Variants in KALRN observed in about 807,000 individuals in gnomAD.
KALRN encodes the protein kalirin RhoGEF kinase.
A neutral mutation model predicts 353.7 loss-of-function variants in KALRN; 70 were observed. That is an observed-to-expected ratio of 0.20 (90% confidence interval 0.16 to 0.24). The LOEUF (loss-of-function observed/expected upper bound fraction) is 0.24, where lower values mean the gene tolerates loss of function less well. Among genes scored for constraint, KALRN ranks in the 10% least tolerant of loss-of-function variants. The pLI is 1.00. For missense variants in KALRN, 2,791 were observed against 3,756.7 expected, an observed-to-expected ratio of 0.74 and a Z score of 6.72; for synonymous variants, 1,391 against 1,434.8, an observed-to-expected ratio of 0.97 and a Z score of 0.69.
chr3:124,477,157 T>G, intron 26 of KALRN, 88 bp from the exon 27 acceptor site: 1 of 869,456 alleles, frequency 1.2e-6, no homozygotes, highest in Non-Finnish European at 1.9e-6. Context: ...GGGTCTTAAC[T>G]GTACAGCCCT....
At chr3:124,694,249 T>C in intron 52 of KALRN, 83 bp from the exon 53 acceptor site, 2 of 1,303,830 alleles carry the variant, frequency 1.5e-6, no homozygotes, top group Non-Finnish European at 2.2e-6. Context: ...GGGTGGGAAA[T>C]GAGAGAGGTG....
intron 14 of KALRN, among the ~76,000 whole-genome samples, chr3:124,419,704 G>C (rs2092689821): frequency 6.6e-6 from 1 of 152,174 alleles, no homozygotes; most frequent in Non-Finnish European, 1.5e-5. Context: ...AACCTCAATG[G>C]AAGTGTTCTG....
intron 23 of KALRN, among the ~76,000 whole-genome samples, chr3:124,460,942 T>C (rs978356962): frequency 6.6e-6 from 1 of 152,202 alleles, no homozygotes; most frequent in Non-Finnish European, 1.5e-5. Flanking sequence ...AAGCAGTCAC[T>C]TATTACTAAT....
intron 17 of KALRN, among the ~76,000 whole-genome samples, chr3:124,435,399 T>C (rs2093425500): frequency 6.6e-6 from 1 of 152,224 alleles, no homozygotes. Context: ...ATGCAGTGTG[T>C]TACCCTTTCA....
chr3:124,573,024 G>A (rs62267575), intron 34 of KALRN, among the ~76,000 whole-genome samples: 12,153 of 151,988 alleles, frequency 0.08, 585 homozygotes, highest in East Asian at 0.14. Flanking sequence ...GCGGCAGAGC[G>A]AGACCCTGTC....
At chr3:124,354,232 A>G (rs1019927621) in intron 10 of KALRN, among the ~76,000 whole-genome samples, 1 of 152,240 alleles carries the variant, frequency 6.6e-6, no homozygotes, top group African/African-American at 2.4e-5. Flanking sequence ...AGTTCTGAGT[A>G]ACAAACTGAA....
At chr3:124,500,258 C>T (rs891066812) in intron 33 of KALRN, among the ~76,000 whole-genome samples, 3 of 152,172 alleles carry the variant, frequency 2.0e-5, no homozygotes, top group African/African-American at 7.2e-5. Context: ...TTAGTTCCAT[C>T]TCAGTGTTCT....
At position 124,697,655 on chromosome 3, in the gene KALRN, C is replaced by T. The variant is rs150508568; in HGVS notation, c.7762C>T (p.Arg2588Cys). Residue 2588 changes from arginine (R) to cysteine (C), a missense_variant, in exon 55 of 60, where the codon CGC (arginine) becomes TGC (cysteine). By Grantham distance (180) the Arg-to-Cys change is radical. Coordinates refer to ENST00000682506, the MANE Select transcript of KALRN (RefSeq NM_001388419.1). ...GAGAAGCTGCACCTCCGTGATTCTC[C>T]GCTGGCTGCCCCCCTCCAGCACAGG... ...QERSCTSVILRWLPPSSTGNC... is the reference protein window; with the variant it reads ...QERSCTSVILCWLPPSSTGNC... 24 of 1,608,934 alleles carry T rather than the reference C, an allele frequency of 1.5e-5. No individual in the cohort carries two copies. Among genetic ancestry groups the T allele is most frequent in the African/African-American group, 1.1e-4 (8 of 74,872 alleles).
intron 6 of KALRN, among the ~76,000 whole-genome samples, chr3:124,325,641 G>A (rs1014236049): frequency 3.9e-5 from 6 of 152,114 alleles, no homozygotes; most frequent in South Asian, 2.1e-4. Context: ...TCCAAAGAAC[G>A]CTCTTGAGAG....
rs2039112787 is a variant in KALRN, at chr3:124,033,799, C to A, written c.59C>A (p.Ala20Asp). ...EGGAADSDVDAFFRTGSFRND... is the reference protein window; with the variant it reads ...EGGAADSDVDDFFRTGSFRND... ...GGAGCAGCAGACTCGGACGTGGACG[C>A]CTTTTTCCGGACAGGTAAGCCGGGC... is the stretch of plus-strand genomic sequence containing the variant. Residue 20 changes from alanine (A) to aspartate (D), a missense_variant, in exon 1 of 60, where the codon GCC (alanine) becomes GAC (aspartate). Ala to Asp is a moderately radical substitution (Grantham distance 126). This residue lies in a region of KALRN where 110 missense variants were observed against 204.1 expected (regional missense o/e 0.54). Transcript: ENST00000682506. The surrounding 1 kb of genome is among the most constrained non-coding windows in gnomAD (Gnocchi z 6.2). Among the ~76,000 whole-genome samples, 1 of 152,186 alleles carries A rather than the reference C, an allele frequency of 6.6e-6. No homozygotes were observed. The highest frequency in any genetic ancestry group is 2.4e-5 in the African/African-American group (1 of 41,456).
At chr3:124,418,907 G>C (rs2092643870) in intron 14 of KALRN, among the ~76,000 whole-genome samples, 1 of 151,964 alleles carries the variant, frequency 6.6e-6, no homozygotes, top group Non-Finnish European at 1.5e-5. Context: ...TGGTGATATT[G>C]GTCTGGGGTG....
At chr3:124,179,189 A>G (rs2073210073) in intron 1 of KALRN, among the ~76,000 whole-genome samples, 1 of 152,270 alleles carries the variant, frequency 6.6e-6, no homozygotes, top group South Asian at 2.1e-4. Context: ...TTTTGTAATA[A>G]CACAACTTAA....
chr3:124,294,901 T>G (rs989061362), intron 5 of KALRN, among the ~76,000 whole-genome samples: 1 of 152,176 alleles, frequency 6.6e-6, no homozygotes, highest in South Asian at 2.1e-4. Flanking sequence ...CAAACCACTA[T>G]CTCTTCAAAT....
At chr3:124,386,315 A>G (rs997492643) in intron 11 of KALRN, among the ~76,000 whole-genome samples, 7 of 152,108 alleles carry the variant, frequency 4.6e-5, no homozygotes, top group African/African-American at 1.4e-4. Flanking sequence ...AACCAAAGCC[A>G]TGTGTATTCC....
At chr3:124,409,728 T>A (rs970537243) in intron 13 of KALRN, among the ~76,000 whole-genome samples, 8 of 152,186 alleles carry the variant, frequency 5.3e-5, no homozygotes, top group African/African-American at 1.9e-4. Context: ...GAGCCTCTAT[T>A]GTCTTCCAGC....
chr3:124,698,217 C>A (rs2062148764), intron 55 of KALRN, among the ~76,000 whole-genome samples: 3 of 152,226 alleles, frequency 2.0e-5, no homozygotes, highest in African/African-American at 7.2e-5. Context: ...CGCAAACAGT[C>A]CACTTGCCTC....
intron 33 of KALRN, among the ~76,000 whole-genome samples, chr3:124,506,518 G>A (rs1052336246): frequency 6.6e-6 from 1 of 152,148 alleles, no homozygotes; most frequent in Admixed American, 6.5e-5. Flanking sequence ...ATTGCAGAGA[G>A]AGGTATACAT....
chr3:124,060,069 G>T (rs897595335), intron 1 of KALRN, among the ~76,000 whole-genome samples: 1 of 152,140 alleles, frequency 6.6e-6, no homozygotes, highest in East Asian at 1.9e-4. Flanking sequence ...GAATCTCTTA[G>T]CTTCCAAGTG....
At chr3:124,530,886 G>A (rs893446497) in intron 33 of KALRN, among the ~76,000 whole-genome samples, 1 of 152,150 alleles carries the variant, frequency 6.6e-6, no homozygotes, top group Non-Finnish European at 1.5e-5. Flanking sequence ...GAACAAAAGT[G>A]AATATATCTG....
Sources: gnomAD v4.1 joint callset for allele counts (sites outside exome capture counted in the v4.1 genomes callset) on GRCh38, gnomAD v4.1.1 for gene constraint, gnomAD v4.1.1 regional missense constraint, Gnocchi (gnomAD v3.1) non-coding constraint, MANE v1.5 for transcripts, NCBI Gene and HGNC (gene_info 2026-07-23, HGNC 2026-07-21) for gene names.